CNIH3: variants seen among roughly 807,000 people sequenced by gnomAD.
The protein encoded by CNIH3 is protein cornichon homolog 3.
A neutral mutation model predicts 24.1 loss-of-function variants in CNIH3; 14 were observed. The observed-to-expected ratio is 0.58, with a 90% CI of 0.38 to 0.91. The LOEUF (loss-of-function observed/expected upper bound fraction) is 0.91. Among genes scored for constraint, CNIH3 ranks in the 40% least tolerant of loss-of-function variants. CNIH3 has a pLI of 0.00. For synonymous variants in CNIH3, 68 were observed against 73.8 expected (o/e 0.92, Z 0.40); for missense variants, 178 against 196.8 (o/e 0.90, Z 0.57).
exon 1 of CNIH3, chr1:224,434,745 C>A: frequency 1.0e-6 from 1 of 986,992 alleles, no homozygotes; most frequent in Non-Finnish European, 1.2e-6. Context: ...GTCCTCGGAT[C>A]CGCTCCGCTC....
intron 3 of CNIH3, among the ~76,000 whole-genome samples, chr1:224,608,516 G>C (rs370080593): frequency 1.4e-4 from 21 of 152,260 alleles, no homozygotes; most frequent in East Asian, 5.8e-4. Flanking sequence ...TGCATGCACT[G>C]GTAATCAGAA....
intron 1 of CNIH3, among the ~76,000 whole-genome samples, chr1:224,484,209 T>C (rs1676936926): frequency 6.8e-6 from 1 of 148,148 alleles, no homozygotes; most frequent in Non-Finnish European, 1.5e-5. Flanking sequence ...GGCGGGCAGA[T>C]CACGAGGTCA....
intron 1 of CNIH3, among the ~76,000 whole-genome samples, chr1:224,462,610 A>G (rs912868372): frequency 6.7e-6 from 1 of 150,256 alleles, no homozygotes; most frequent in Non-Finnish European, 1.5e-5. Context: ...CTGGGATTAC[A>G]GGTGTGAACC....
intron 1 of CNIH3, among the ~76,000 whole-genome samples, chr1:224,649,250 A>G (rs935349328): frequency 5.3e-5 from 8 of 152,202 alleles, no homozygotes; most frequent in African/African-American, 1.9e-4. Flanking sequence ...GGGAGGCAGG[A>G]GAGACAGAGG....
chr1:224,644,004 G>T (rs1558246211), intron 1 of CNIH3, among the ~76,000 whole-genome samples: 1 of 152,164 alleles, frequency 6.6e-6, no homozygotes, highest in Non-Finnish European at 1.5e-5. Context: ...TGGATCTAGT[G>T]GGGTATTAGA....
intron 4 of CNIH3, chr1:224,575,431 T>C: frequency 2.2e-6 from 2 of 911,398 alleles, no homozygotes; most frequent in Middle Eastern, 3.5e-4. Flanking sequence ...CTATACCGTG[T>C]TTTCTGTCTC....
chr1:224,642,713 A>G (rs1260285296), intron 1 of CNIH3, among the ~76,000 whole-genome samples: 1 of 152,022 alleles, frequency 6.6e-6, no homozygotes, highest in African/African-American at 2.4e-5. Flanking sequence ...TAGAGATTTT[A>G]TTTTATTTTA....
chr1:224,631,046 C>T (rs2125078305), intron 1 of CNIH3, among the ~76,000 whole-genome samples: 1 of 152,184 alleles, frequency 6.6e-6, no homozygotes, highest in Admixed American at 6.5e-5. Context: ...GTCATCCCAG[C>T]TACTCGGGAG....
At chr1:224,723,716 C>T (rs1248124591) in intron 3 of CNIH3, among the ~76,000 whole-genome samples, 4 of 152,200 alleles carry the variant, frequency 2.6e-5, no homozygotes, top group Non-Finnish European at 5.9e-5. Context: ...GGAAAATAAT[C>T]TGCTACTGGT....
chr1:224,669,140 G>A (rs976392640), intron 1 of CNIH3, among the ~76,000 whole-genome samples: 1 of 152,144 alleles, frequency 6.6e-6, no homozygotes, highest in African/African-American at 2.4e-5. Context: ...CGGCTGTGCT[G>A]TCACCTGAAG....
rs548576811 is a variant in CNIH3, at chr1:224,530,885, ACTGTGT to A, written n.344-6050_344-6045del. ...AGTGCTAGGATTATAGGCGTGAGCC[ACTGTGT>A]GGCCTAAACCCTACATTTCTTACTG... On this transcript the variant is annotated intron_variant and non_coding_transcript_variant, in intron 2 of 2. Coordinates refer to the CNIH3 transcript ENST00000470602. 7.9e-5 allele frequency among the ~76,000 whole-genome samples: 12 copies of A among 152,316 alleles called. No homozygotes were observed. In the South Asian group the frequency reaches 2.5e-3, roughly 32 times the overall value.
chr1:224,616,327 AGGCGGCGGCGGCGGC>A lies in CNIH3; in HGVS notation c.-841_-827del. 1 of 362,772 alleles carries A rather than the reference AGGCGGCGGCGGCGGC, an allele frequency of 2.8e-6. No individual in the cohort carries two copies. The highest frequency in any genetic ancestry group is 4.1e-6 in the Non-Finnish European group (1 of 243,150). The allele number at this position is 362,772 out of a possible 1,614,324, so 22.5% of individuals were successfully genotyped here. ...ACCGCTACAGTTCTCGCAGTGGCAA[AGGCGGCGGCGGCGGC>A]GGCGGCAGCGGCAGCAGCAGGTGGA... is the stretch of plus-strand genomic sequence containing the variant. On this transcript the variant is annotated 5_prime_UTR_variant, in exon 1 of 6. Coordinates refer to ENST00000272133, the MANE Select transcript of CNIH3 (RefSeq NM_152495.2).
chr1:224,537,637 C>G (rs1227242952), downstream of CNIH3: 2 of 152,236 alleles, frequency 1.3e-5, no homozygotes, highest in Non-Finnish European at 2.9e-5. Context: ...GGCTGTGTCA[C>G]AGGTGTGTCC....
At chr1:224,463,653 T>C (rs545082220) in intron 1 of CNIH3, among the ~76,000 whole-genome samples, 9 of 151,680 alleles carry the variant, frequency 5.9e-5, no homozygotes, top group African/African-American at 2.2e-4. Flanking sequence ...ATGATCCGCC[T>C]GCCTCAGCCT....
intron 4 of CNIH3, among the ~76,000 whole-genome samples, chr1:224,573,665 C>G (rs1330526443): frequency 6.6e-6 from 1 of 152,178 alleles, no homozygotes; most frequent in Non-Finnish European, 1.5e-5. Flanking sequence ...ATATAACACC[C>G]CATATCAGAA....
chr1:224,621,695 A>G (rs1683288614), intron 1 of CNIH3, among the ~76,000 whole-genome samples: 1 of 152,242 alleles, frequency 6.6e-6, no homozygotes, highest in Admixed American at 6.5e-5. Flanking sequence ...TTGTTTCTCC[A>G]GAGCCCAGAA....
intron 4 of CNIH3, among the ~76,000 whole-genome samples, chr1:224,573,336 G>A (rs1680900917): frequency 6.6e-6 from 1 of 152,102 alleles, no homozygotes; most frequent in African/African-American, 2.4e-5. Context: ...GGAAGTGGGG[G>A]CTTAAAACAC....
At chr1:224,497,344 ATACTT>A (rs1366274216) in intron 1 of CNIH3, among the ~76,000 whole-genome samples, 2 of 152,240 alleles carry the variant, frequency 1.3e-5, no homozygotes, top group Non-Finnish European at 2.9e-5. Context: ...ACTGAACTGT[ATACTT>A]TAACAAATGA....
intron 2 of CNIH3, among the ~76,000 whole-genome samples, chr1:224,535,414 T>A (rs1413528610): frequency 6.6e-6 from 1 of 152,212 alleles, no homozygotes; most frequent in East Asian, 1.9e-4. Flanking sequence ...AGAATAAGCT[T>A]ATGTTGTTTC....
Sources: gnomAD v4.1 joint callset for allele counts (sites outside exome capture counted in the v4.1 genomes callset) on GRCh38, gnomAD v4.1.1 for gene constraint, MANE v1.5 for transcripts, NCBI Gene and HGNC (gene_info 2026-07-23, HGNC 2026-07-21) for gene names.